The following PRKAG2 variants were observed in gnomAD, a reference collection of about 807,000 sequenced individuals.
PRKAG2 encodes the protein protein kinase AMP-activated non-catalytic subunit gamma 2, also known as 5'-AMP-activated protein kinase subunit gamma-2.
In PRKAG2, 26 loss-of-function variants were observed where a neutral mutation model predicts 69.6. The observed-to-expected ratio is 0.37, with a 90% CI of 0.27 to 0.52. The LOEUF is 0.52. Among genes scored for constraint, PRKAG2 ranks in the 20% least tolerant of loss-of-function variants. The pLI, the probability that PRKAG2 is intolerant of heterozygous loss-of-function variation, is 0.90. For synonymous variants in PRKAG2, 293 were observed against 285.0 expected, an observed-to-expected ratio of 1.03 and a Z score of -0.28; for missense variants, 557 against 740.0, an observed-to-expected ratio of 0.75 and a Z score of 2.87.
intron 3 of PRKAG2, among the ~76,000 whole-genome samples, chr7:151,755,996 G>C (rs931273160): frequency 6.6e-6 from 1 of 152,168 alleles, no homozygotes; most frequent in African/African-American, 2.4e-5. Context: ...AGTCCTCAGT[G>C]TCTCTACCTG....
chr7:151,799,719 G>A (rs983303801), intron 1 of PRKAG2, among the ~76,000 whole-genome samples: 2 of 152,216 alleles, frequency 1.3e-5, no homozygotes, highest in African/African-American at 2.4e-5. Context: ...CCAGCATCTA[G>A]CATCTAGCCA....
In PRKAG2 at chr7:151,618,696, C is replaced by T. The variant is rs142628189; in HGVS notation, c.754+13373G>A. On this transcript the variant is annotated intron_variant, in intron 5 of 15. Coordinates refer to ENST00000287878, the MANE Select transcript of PRKAG2 (RefSeq NM_016203.4). Reference sequence around the variant, plus strand: ...AGGAGAATTGCTTGAACCTAGGAGGCGGGGTTTGCAGTGAGCTGAGATCGC... The same window carrying T: ...AGGAGAATTGCTTGAACCTAGGAGGTGGGGTTTGCAGTGAGCTGAGATCGC... 4.0e-3 allele frequency among the ~76,000 whole-genome samples: 603 copies of T among 152,162 alleles called. 2 individuals carry two copies. The highest frequency in any genetic ancestry group is 0.011 in the African/African-American group (470 of 41,518).
intron 14 of PRKAG2, 117 bp from the exon 15 acceptor site, chr7:151,560,734 G>C: frequency 7.6e-7 from 1 of 1,319,152 alleles, no homozygotes; most frequent in Non-Finnish European, 1.1e-6. Context: ...CCAGCCTGGG[G>C]AATAGCAGTG....
At position 151,773,040 on chromosome 7, in the gene PRKAG2, AGAGAGAGAGAGAGGGAGGGAGGGAGG is replaced by A. The variant is rs1449799473; in HGVS notation, c.466+8086_466+8111del. 2.8e-3 allele frequency among the ~76,000 whole-genome samples: 98 copies of A among 34,674 alleles called. 3 individuals are homozygous for A. The highest frequency in any genetic ancestry group is 0.018 in the East Asian group (14 of 776). The allele number at this position is 34,674 out of a possible 152,430, so 22.7% of individuals were successfully genotyped here. On this transcript the variant is annotated intron_variant, in intron 3 of 15. Transcript: ENST00000287878. ...AAGAAAGAAAGAGAGAGAGAGAGAGAGAGAGAGAGAGAGGGAGGGAGGGAGGGAGGGAGGGAGGGAGGGAGGGAGGG... is the reference window on the plus strand; with the variant it reads ...AAGAAAGAAAGAGAGAGAGAGAGAGAGAGGGAGGGAGGGAGGGAGGGAGGG...
chr7:151,693,902 C>T (rs1007721127), intron 3 of PRKAG2, among the ~76,000 whole-genome samples: 12 of 152,228 alleles, frequency 7.9e-5, no homozygotes, highest in East Asian at 1.9e-4. Context: ...GACGGAGTCT[C>T]GCACTGTTGC....
intron 4 of PRKAG2, among the ~76,000 whole-genome samples, chr7:151,649,473 T>C (rs1025106643): frequency 1.3e-5 from 2 of 152,208 alleles, no homozygotes; most frequent in African/African-American, 4.8e-5. Context: ...AATTAGTGTG[T>C]ACCAACTTTT....
intron 2 of PRKAG2, among the ~76,000 whole-genome samples, chr7:151,783,912 CAAA>C (rs536105914): frequency 0.028 from 812 of 28,850 alleles, 4 homozygotes; most frequent in African/African-American, 0.092. Flanking sequence ...GACCCTGTCT[CAAA>C]AAAAAAAAAA....
At position 151,756,250 on chromosome 7, in the gene PRKAG2, A is replaced by G. The variant is rs551513659; in HGVS notation, c.466+24902T>C. Among the ~76,000 whole-genome samples the G allele has an allele frequency of 6.6e-6, 1 of 152,160 alleles. No individual in the cohort carries two copies. The highest frequency in any genetic ancestry group is 1.5e-5 in the Non-Finnish European group (1 of 68,016). On this transcript the variant is annotated intron_variant, in intron 3 of 15. Transcript: ENST00000287878. This position sits in a 1 kb window ranked among gnomAD's most constrained non-coding sequence, Gnocchi z 4.9. ...GTCATGTGAGCAATGCCCCAGGAAC[A>G]CACACCACACACGTGACTGCAACGA... is the stretch of plus-strand genomic sequence containing the variant.
chr7:151,860,877 T>C (rs368279977), intron 1 of PRKAG2, among the ~76,000 whole-genome samples: 1 of 152,104 alleles, frequency 6.6e-6, no homozygotes, highest in African/African-American at 2.4e-5. Context: ...AGGCTTGTGG[T>C]AGAGGGAGGT....
At chr7:151,623,473 C>T (rs1050264591) in intron 5 of PRKAG2, among the ~76,000 whole-genome samples, 2 of 149,506 alleles carry the variant, frequency 1.3e-5, no homozygotes, top group African/African-American at 4.9e-5. Context: ...TCTAATGCTG[C>T]TGTTGATCTG....
intron 3 of PRKAG2, among the ~76,000 whole-genome samples, chr7:151,773,253 A>G (rs916498233): frequency 6.6e-6 from 1 of 151,410 alleles, no homozygotes; most frequent in African/African-American, 2.4e-5. Flanking sequence ...AAAGAAGGAA[A>G]GAAAGAAAGA....
Position 151,565,370 on chromosome 7 carries a change from A to G in PRKAG2, c.1413T>C (p.Asp471=), listed in dbSNP as rs1198002481. 1.4e-6 allele frequency: 2 copies of G among 1,379,692 alleles called. No individual in the cohort carries two copies. Among genetic ancestry groups the G allele is most frequent in the Non-Finnish European group, 2.0e-6 (2 of 989,390 alleles). 85.5% of individuals were successfully genotyped at this position (1,379,692 alleles called of 1,614,324 possible). The change falls in exon 13 of 16, where the codon GAT becomes GAC. Residue 471 remains aspartate (D), a synonymous_variant. Coordinates refer to ENST00000287878, the MANE Select transcript of PRKAG2 (RefSeq NM_016203.4). ...PVVDESGKVV[D]IYSKFDVINL... is the part of the protein sequence containing the mutation. ...CAATTACATCAAATTTGGAATAAAT[A>G]TCTACAACTTTTCCTAAAAATGAAA...
intron 3 of PRKAG2, among the ~76,000 whole-genome samples, chr7:151,744,056 G>A (rs951059975): frequency 3.9e-5 from 6 of 152,178 alleles, no homozygotes; most frequent in African/African-American, 9.7e-5. Flanking sequence ...AGATGGGCTC[G>A]AAGATGGAGC....
At chr7:151,813,004 GA>G (rs1327379543) in intron 1 of PRKAG2, among the ~76,000 whole-genome samples, 61 of 152,028 alleles carry the variant, frequency 4.0e-4, no homozygotes, top group African/African-American at 1.3e-3. Flanking sequence ...GCAAGTTGGG[GA>G]AGCAGCTGGA....
rs556217882 is a variant in PRKAG2, at chr7:151,691,897, A to G, written c.467-16260T>C. ...TCATAGTTGCCCCAAACTGGAGACA[A>G]TTCAAACATCCTTCAACTGGTGAAT... On this transcript the variant is annotated intron_variant, in intron 3 of 15. Coordinates refer to ENST00000287878, the MANE Select transcript of PRKAG2 (RefSeq NM_016203.4). 1.1e-4 allele frequency among the ~76,000 whole-genome samples: 16 copies of G among 152,342 alleles called. No individual in the cohort carries two copies. In the South Asian group the frequency reaches 3.3e-3, roughly 32 times the overall value.
rs1292134092 is a variant in PRKAG2, at chr7:151,877,016, C to G, written c.-396G>C. On this transcript the variant is annotated 5_prime_UTR_variant, in exon 1 of 16. Coordinates refer to ENST00000287878, the MANE Select transcript of PRKAG2 (RefSeq NM_016203.4). ...ATCTGAAAGGCAGGTGCAATTAAAA[C>G]CAGCAATTTGGAAAACAAGCCTCCT... 2 of 323,248 alleles carry G rather than the reference C, an allele frequency of 6.2e-6. No individual in the cohort carries two copies. The highest frequency in any genetic ancestry group is 2.1e-5 in the African/African-American group (1 of 46,682). The allele number at this position is 323,248 out of a possible 1,614,324, so 20.0% of individuals were successfully genotyped here. A position where few individuals can be genotyped will look rare whatever the true frequency, so the allele number is the denominator to read the frequency against.
chr7:151,687,874 G>C (rs1024714537), intron 3 of PRKAG2, among the ~76,000 whole-genome samples: 2 of 152,252 alleles, frequency 1.3e-5, no homozygotes, highest in African/African-American at 4.8e-5. Context: ...CCTCAGGTCA[G>C]AGGTGTATCT....
intron 5 of PRKAG2, among the ~76,000 whole-genome samples, chr7:151,598,654 T>C (rs1250583395): frequency 6.6e-6 from 1 of 152,120 alleles, no homozygotes; most frequent in African/African-American, 2.4e-5. Flanking sequence ...GCTACTATAT[T>C]TGTATCTACT....
At chr7:151,601,411 C>T (rs546685079) in intron 5 of PRKAG2, among the ~76,000 whole-genome samples, 5 of 152,066 alleles carry the variant, frequency 3.3e-5, no homozygotes, top group Non-Finnish European at 5.9e-5. Context: ...TCAAGTAATC[C>T]ATACATTAAT....
Sources: allele counts gnomAD v4.1 joint callset (sites outside exome capture counted in the v4.1 genomes callset), GRCh38; gene constraint gnomAD v4.1.1; non-coding constraint Gnocchi (gnomAD v3.1); transcripts MANE v1.5; gene names NCBI Gene and HGNC (gene_info 2026-07-23, HGNC 2026-07-21).